SLC4A5: variants seen among roughly 807,000 people sequenced by gnomAD.
SLC4A5 encodes the protein solute carrier family 4 member 5.
In SLC4A5, 96 loss-of-function variants were observed where a neutral mutation model predicts 120.4. The observed-to-expected ratio is 0.80, with a 90% confidence interval of 0.68 to 0.94. The LOEUF (loss-of-function observed/expected upper bound fraction) is 0.94, where lower values mean the gene tolerates loss of function less well. Ranked by LOEUF, SLC4A5 falls within the 40% of genes least tolerant of loss-of-function variation. The pLI is 0.00. For missense variants in SLC4A5, 1,259 were observed against 1,459.5 expected, an observed-to-expected ratio of 0.86 and a Z score of 2.24; for synonymous variants, 550 against 571.1, an observed-to-expected ratio of 0.96 and a Z score of 0.53.
At chr2:74,285,782 T>A in exon 8 of SLC4A5, 2 of 1,610,850 alleles carry the variant, frequency 1.2e-6, no homozygotes. Context: ...CCTGGCTGAC[T>A]CCTTCCACTC....
chr2:74,264,160 T>C (rs933556655), exon 10 of SLC4A5: 4 of 1,613,846 alleles, frequency 2.5e-6, no homozygotes, highest in Middle Eastern at 3.3e-4. Flanking sequence ...TGGTGGAGAC[T>C]GACTTCCCAA....
intron 7 of SLC4A5, among the ~76,000 whole-genome samples, chr2:74,297,364 C>T (rs567962424): frequency 2.0e-5 from 3 of 152,280 alleles, no homozygotes; most frequent in Admixed American, 6.5e-5. Context: ...TGCCTAGGAC[C>T]GATCTGGTTT....
intron 7 of SLC4A5, among the ~76,000 whole-genome samples, chr2:74,293,816 C>G (rs1318454767): frequency 6.6e-6 from 1 of 152,144 alleles, no homozygotes; most frequent in Non-Finnish European, 1.5e-5. Flanking sequence ...TCATGAGTCC[C>G]CTTTGTATGA....
intron 7 of SLC4A5, among the ~76,000 whole-genome samples, chr2:74,299,023 C>A (rs981288514): frequency 1.3e-4 from 20 of 152,180 alleles, no homozygotes; most frequent in African/African-American, 4.8e-4. Context: ...GTAATTTAAT[C>A]ATGAGGGTGG....
intron 8 of SLC4A5, among the ~76,000 whole-genome samples, chr2:74,277,795 C>G (rs1205461751): frequency 6.6e-6 from 1 of 151,970 alleles, no homozygotes; most frequent in Non-Finnish European, 1.5e-5. Flanking sequence ...AGGAATTTTT[C>G]TCAATTTTAT....
chr2:74,262,327 G>A, intron 10 of SLC4A5, 95 bp from the exon 11 acceptor site: 1 of 808,692 alleles, frequency 1.2e-6, no homozygotes, highest in Non-Finnish European at 2.0e-6. Flanking sequence ...AAAACTGGGT[G>A]GCAAGACATG....
chr2:74,216,524 G>A (rs1451043892), exon 31 of SLC4A5: 1 of 152,202 alleles, frequency 6.6e-6, no homozygotes, highest in African/African-American at 2.4e-5. Context: ...TTCCAGATCA[G>A]CCAGGTTTTA....
At chr2:74,269,941 C>G (rs914482418) in intron 8 of SLC4A5, among the ~76,000 whole-genome samples, 2 of 152,200 alleles carry the variant, frequency 1.3e-5, no homozygotes, top group African/African-American at 2.4e-5. Flanking sequence ...GCAGTCCTCT[C>G]CACCTCTCAG....
At chr2:74,274,310 C>T (rs540631662) in intron 8 of SLC4A5, among the ~76,000 whole-genome samples, 4 of 152,128 alleles carry the variant, frequency 2.6e-5, no homozygotes, top group African/African-American at 4.8e-5. Flanking sequence ...CTCAAAAAAA[C>T]GGGAGAAACA....
chr2:74,274,118 C>G (rs1223132764), intron 8 of SLC4A5, among the ~76,000 whole-genome samples: 2 of 152,248 alleles, frequency 1.3e-5, no homozygotes, highest in South Asian at 2.1e-4. Context: ...TTAAATCTAT[C>G]TCACGAGGTA....
intron 7 of SLC4A5, chr2:74,290,658 AAGAG>A: frequency 1.1e-6 from 1 of 877,970 alleles, no homozygotes; most frequent in Non-Finnish European, 1.3e-6. Flanking sequence ...AGAAGTGAGC[AAGAG>A]AGAGAGAGAA....
intron 11 of SLC4A5, among the ~76,000 whole-genome samples, chr2:74,261,107 G>A (rs559940331): frequency 6.6e-6 from 1 of 152,296 alleles, no homozygotes; most frequent in African/African-American, 2.4e-5. Flanking sequence ...TGTTCTGCAT[G>A]CTGGGCCACC....
chr2:74,318,771 CA>C (rs1320538369), intron 5 of SLC4A5, among the ~76,000 whole-genome samples: 5 of 151,582 alleles, frequency 3.3e-5, no homozygotes, highest in Non-Finnish European at 7.4e-5. Context: ...TAAATTAGTA[CA>C]ACCTTTATGG....
chr2:74,281,472 T>C (rs1671812702), intron 8 of SLC4A5, among the ~76,000 whole-genome samples: 1 of 152,136 alleles, frequency 6.6e-6, no homozygotes, highest in South Asian at 2.1e-4. Context: ...CCCAATCTGA[T>C]CCAGCCCTCC....
intron 4 of SLC4A5, among the ~76,000 whole-genome samples, chr2:74,329,235 T>C (rs1673290564): frequency 1.3e-5 from 2 of 152,118 alleles, no homozygotes; most frequent in African/African-American, 2.4e-5. Context: ...GAGGTATAAA[T>C]GGAGATGTGG....
intron 8 of SLC4A5, among the ~76,000 whole-genome samples, chr2:74,267,011 A>G (rs1671322156): frequency 6.6e-6 from 1 of 152,258 alleles, no homozygotes; most frequent in Admixed American, 6.5e-5. Context: ...ATTATCCAAT[A>G]GAAAGTAAAC....
At chr2:74,238,461 G>T (rs1484034750) in intron 21 of SLC4A5, among the ~76,000 whole-genome samples, 1 of 152,056 alleles carries the variant, frequency 6.6e-6, no homozygotes, top group Non-Finnish European at 1.5e-5. Context: ...GAGCTTGGGA[G>T]ACAAAGATAT....
chr2:74,292,760 C>T (rs887618307), intron 7 of SLC4A5, among the ~76,000 whole-genome samples: 5 of 152,066 alleles, frequency 3.3e-5, no homozygotes, highest in Non-Finnish European at 5.9e-5. Context: ...GATCTGGGAG[C>T]CATTATGGCC....
In SLC4A5 at chr2:74,304,174, C is replaced by T. The variant is rs185704536; in HGVS notation, c.271+315G>A. Reference sequence around the variant, plus strand: ...GCATGTCCATTATTGGTTCTTAGGGCAATGACCGTATGGTCCTTGGAATTT... The same window carrying T: ...GCATGTCCATTATTGGTTCTTAGGGTAATGACCGTATGGTCCTTGGAATTT... On this transcript the variant is annotated intron_variant, in intron 7 of 30. Coordinates refer to ENST00000394019, the Ensembl canonical transcript of SLC4A5. Among the ~76,000 whole-genome samples the T allele has an allele frequency of 2.3e-3, 353 of 152,256 alleles. 4 individuals carry two copies. The highest frequency in any genetic ancestry group is 8.1e-3 in the African/African-American group (338 of 41,548).
Sources: allele counts gnomAD v4.1 joint callset (sites outside exome capture counted in the v4.1 genomes callset), GRCh38; gene constraint gnomAD v4.1.1; transcripts MANE v1.5; gene names NCBI Gene and HGNC (gene_info 2026-07-23, HGNC 2026-07-21).